SLC23A2: variants seen among roughly 807,000 people sequenced by gnomAD.
SLC23A2 encodes the protein solute carrier family 23 member 2.
In SLC23A2, 36 loss-of-function variants were observed where a neutral mutation model predicts 73.3. The ratio of observed to expected loss-of-function variants is 0.49; its 90% confidence interval spans 0.38 to 0.65. The LOEUF is 0.65. SLC23A2 is among the 30% of genes least tolerant of loss of function. SLC23A2 has a pLI of 0.00. For synonymous variants in SLC23A2, 343 were observed against 327.3 expected (o/e 1.05, Z -0.52); for missense variants, 507 against 841.6 (o/e 0.60, Z 4.92).
rs544170765 is a variant in SLC23A2 at position 4,980,552 on chromosome 20, G to T, written c.-281-9633C>A. On this transcript the variant is annotated intron_variant, in intron 1 of 16. Coordinates refer to ENST00000338244, the MANE Select transcript of SLC23A2 (RefSeq NM_005116.6). The stretch of plus-strand genomic sequence containing the variant: ...TTTTTCTTTTCTTTTTTTTTTTTGA[G>T]ACGGGGTCTCATTCTGTGGCCCAGG... Among the ~76,000 whole-genome samples the T allele has an allele frequency of 9.1e-4, 133 of 146,614 alleles. 1 individual carries two copies. Among genetic ancestry groups the T allele is most frequent in the African/African-American group, 2.9e-3 (115 of 39,532 alleles).
chr20:4,955,327 T>C (rs935677798), intron 2 of SLC23A2, among the ~76,000 whole-genome samples: 1 of 149,490 alleles, frequency 6.7e-6, no homozygotes, highest in African/African-American at 2.5e-5. Context: ...TTATAGGTAA[T>C]GCATCTGTCT....
intron 12 of SLC23A2, chr20:4,869,631 G>T: frequency 2.6e-6 from 1 of 382,456 alleles, no homozygotes; most frequent in East Asian, 4.7e-5. Flanking sequence ...CAGTGGTTTC[G>T]CAGAGAGTGT....
chr20:4,877,619 G>T (rs964638761), intron 9 of SLC23A2, among the ~76,000 whole-genome samples: 5 of 152,048 alleles, frequency 3.3e-5, no homozygotes, highest in African/African-American at 1.2e-4. Context: ...TTTTGCTTTA[G>T]ATTTCTGAGC....
At chr20:4,913,546 T>C (rs1388287237) in intron 3 of SLC23A2, among the ~76,000 whole-genome samples, 2 of 152,236 alleles carry the variant, frequency 1.3e-5, no homozygotes, top group Non-Finnish European at 1.5e-5. Flanking sequence ...AACAAAAGCT[T>C]TAACCCAAAG....
At chr20:4,978,648 C>G (rs1294583071) in intron 1 of SLC23A2, among the ~76,000 whole-genome samples, 2 of 152,166 alleles carry the variant, frequency 1.3e-5, no homozygotes, top group Admixed American at 1.3e-4. Flanking sequence ...GCCCCAGAAC[C>G]AGAACCCATA....
chr20:4,991,720 TCACACACACACACACACACACACACA>T (rs11471369), intron 1 of SLC23A2, among the ~76,000 whole-genome samples: 12 of 139,314 alleles, frequency 8.6e-5, no homozygotes, highest in African/African-American at 3.2e-4. Context: ...AGACTCCGTT[TCACACACACACACACACACACACACA>T]CACACACACA....
chr20:4,951,632 G>A (rs1033222463), intron 2 of SLC23A2, among the ~76,000 whole-genome samples: 26 of 152,158 alleles, frequency 1.7e-4, no homozygotes, highest in African/African-American at 5.8e-4. Context: ...GGGTGGGGAT[G>A]GGAGTGACTA....
At chr20:4,955,751 T>C (rs2087277582) in intron 2 of SLC23A2, among the ~76,000 whole-genome samples, 1 of 152,110 alleles carries the variant, frequency 6.6e-6, no homozygotes, top group Admixed American at 6.6e-5. Context: ...ATGGGGCCGC[T>C]GTACTCCAGC....
chr20:4,972,678 C>T (rs897755302), intron 1 of SLC23A2, among the ~76,000 whole-genome samples: 6 of 152,024 alleles, frequency 3.9e-5, no homozygotes, highest in Admixed American at 6.6e-5. Context: ...CCTCCACTCC[C>T]GGGTTCAAGC....
At position 4,998,111 on chromosome 20, in the gene SLC23A2, A is replaced by G. The variant is rs1244929304; in HGVS notation, c.-282+3295T>C. 6.6e-6 allele frequency among the ~76,000 whole-genome samples: 1 copy of G among 152,178 alleles called. No homozygotes were observed. The highest frequency in any genetic ancestry group is 1.5e-5 in the Non-Finnish European group (1 of 68,026). On this transcript the variant is annotated intron_variant, in intron 1 of 16. Coordinates refer to ENST00000338244, the MANE Select transcript of SLC23A2 (RefSeq NM_005116.6). The surrounding 1 kb of genome is among the most constrained non-coding windows in gnomAD (Gnocchi z 4.1). Reference sequence around the variant, plus strand: ...CCACCCACACTGTGCTATTTTTGTTATGGCAGTGTTAGCAGACTCATATAC... The same window carrying G: ...CCACCCACACTGTGCTATTTTTGTTGTGGCAGTGTTAGCAGACTCATATAC...
chr20:4,879,850 T>C (rs1432469875), intron 9 of SLC23A2, among the ~76,000 whole-genome samples: 3 of 152,224 alleles, frequency 2.0e-5, no homozygotes, highest in African/African-American at 7.2e-5. Flanking sequence ...GAATAGTCTG[T>C]CAAGATATGC....
intron 2 of SLC23A2, among the ~76,000 whole-genome samples, chr20:4,954,179 C>T (rs2087246473): frequency 6.6e-6 from 1 of 152,004 alleles, no homozygotes; most frequent in Non-Finnish European, 1.5e-5. Flanking sequence ...TATCTCTCTC[C>T]AAGAAGATAG....
chr20:5,010,215 G>A (rs980416842), exon 1 of SLC23A2: 4 of 152,192 alleles, frequency 2.6e-5, no homozygotes, highest in African/African-American at 9.7e-5. Flanking sequence ...AACCTGGAAA[G>A]CTGGTGGTGT....
Position 4,896,746 on chromosome 20 carries a change from AC to A in SLC23A2, c.482+2808del, listed in dbSNP as rs1931537799. Among the ~76,000 whole-genome samples, 4 of 152,094 alleles carry A rather than the reference AC, an allele frequency of 2.6e-5. No individual in the cohort carries two copies. The East Asian group carries it at 7.7e-4, about 29-fold the overall frequency. ...TCACTGATCCCCTGGGATGGTCCTC[AC>A]CCCCTATACTAAGTAACCAAGTAAC... On this transcript the variant is annotated intron_variant, in intron 6 of 16. Transcript: ENST00000338244.
chr20:4,930,022 G>A (rs965935252), intron 3 of SLC23A2, among the ~76,000 whole-genome samples: 33 of 151,858 alleles, frequency 2.2e-4, no homozygotes, highest in Admixed American at 8.5e-4. Context: ...GAAGAAGAAC[G>A]CAAAAAATAA....
intron 6 of SLC23A2, among the ~76,000 whole-genome samples, chr20:4,891,562 G>C (rs146879629): frequency 6.6e-6 from 1 of 152,332 alleles, no homozygotes; most frequent in African/African-American, 2.4e-5. Flanking sequence ...GGGGACACTG[G>C]CAGTGTGGCC....
In SLC23A2 at chr20:4,919,293, T is replaced by C. The variant is rs1932426996; in HGVS notation, c.109-6315A>G. Reference sequence around the variant, plus strand: ...GCCTCTTCCCACAGGATGGCTCCTGTAACTCCCCAGTGCAGGTGATGCTGC... The same window carrying C: ...GCCTCTTCCCACAGGATGGCTCCTGCAACTCCCCAGTGCAGGTGATGCTGC... On this transcript the variant is annotated intron_variant, in intron 3 of 16. Transcript: ENST00000338244. Among the ~76,000 whole-genome samples, 3 of 152,320 alleles carry C rather than the reference T, an allele frequency of 2.0e-5. No homozygotes were observed. In the South Asian group the frequency reaches 6.2e-4, roughly 32 times the overall value.
rs1335069121 is a variant in SLC23A2, at chr20:4,862,951, T to G, written c.1357-44A>C. 6.3e-7 allele frequency: 1 copy of G among 1,584,840 alleles called. No homozygotes were observed. Among genetic ancestry groups the G allele is most frequent in the Non-Finnish European group, 8.6e-7 (1 of 1,159,376 alleles). ...ACTGGGAAACAGGGACTCATCTCCA[T>G]GCAAAATCACCGTAAGTTACTAAAG... On this transcript the variant is annotated intron_variant, in intron 13 of 16. Transcript: ENST00000338244. The surrounding 1 kb of genome is among the most constrained non-coding windows in gnomAD (Gnocchi z 5.1).
At chr20:4,906,923 G>A (rs1931978234) in intron 4 of SLC23A2, among the ~76,000 whole-genome samples, 1 of 152,206 alleles carries the variant, frequency 6.6e-6, no homozygotes, top group African/African-American at 2.4e-5. Context: ...ATAGAAGGAT[G>A]CTGTGAAGAG....
Sources: allele counts gnomAD v4.1 joint callset (sites outside exome capture counted in the v4.1 genomes callset), GRCh38; gene constraint gnomAD v4.1.1; non-coding constraint Gnocchi (gnomAD v3.1); transcripts MANE v1.5; gene names NCBI Gene and HGNC (gene_info 2026-07-23, HGNC 2026-07-21).